The following TTL variants were observed in gnomAD, a reference collection of about 807,000 sequenced individuals.
TTL encodes tubulin tyrosine ligase, also known as tubulin--tyrosine ligase.
In TTL, 10 loss-of-function variants were observed where a neutral mutation model predicts 41.1. The ratio of observed to expected loss-of-function variants is 0.24; its 90% CI spans 0.15 to 0.41. The LOEUF (loss-of-function observed/expected upper bound fraction) is 0.41. Ranked by LOEUF, TTL falls within the 10% of genes least tolerant of loss-of-function variation. TTL has a pLI of 1.00. For missense variants in TTL, 367 were observed against 460.4 expected, an observed-to-expected ratio of 0.80 and a Z score of 1.86; for synonymous variants, 175 against 175.5, an observed-to-expected ratio of 1.00 and a Z score of 0.02.
Position 112,528,702 on chromosome 2 carries a change from C to G in TTL, c.1041C>G (p.Cys347Trp), listed in dbSNP as rs748710136. The G allele has an allele frequency of 6.2e-7, 1 of 1,614,024 alleles. No homozygotes were observed. The highest frequency in any genetic ancestry group is 8.5e-7 in the Non-Finnish European group (1 of 1,179,932). The stretch of plus-strand genomic sequence containing the variant: ...TCAGGAAGCTCTATGCAGAACTGTG[C>G]CAAGGCATCGTGGACATAGCCATTT... ...ACAQKLYAELCQGIVDIAISS... is the reference protein window; with the variant it reads ...ACAQKLYAELWQGIVDIAISS... The change falls in exon 7 of 7, where the codon TGC (cysteine) becomes TGG (tryptophan). Residue 347 changes from cysteine (C) to tryptophan (W), a missense_variant. Transcript: ENST00000233336.
Position 112,539,599 on chromosome 2 carries a change from T to G in TTL, c.*10804T>G, listed in dbSNP as rs947559362. ...TGATGTGAAAGCTCCAGTTGGGAGC[T>G]TTCTTCCCAATATCAGGCACAAAAC... On this transcript the variant is annotated 3_prime_UTR_variant, in exon 7 of 7. Coordinates refer to ENST00000233336, the MANE Select transcript of TTL (RefSeq NM_153712.5). The G allele has an allele frequency of 2.0e-5, 3 of 152,196 alleles. No homozygotes were observed. Among genetic ancestry groups the G allele is most frequent in the African/African-American group, 7.2e-5 (3 of 41,448 alleles). The allele number at this position is 152,196 out of a possible 1,614,324, so 9.4% of individuals were successfully genotyped here.
In TTL at chr2:112,525,475, G is replaced by A. The variant is rs922121698; in HGVS notation, c.1020-3206G>A. Reference sequence around the variant, plus strand: ...GTCCTCTTTTATTTCGTTGAGCAGCGGTTTGTAGTTCTCCTTGAAGAGGTC... The same window carrying A: ...GTCCTCTTTTATTTCGTTGAGCAGCAGTTTGTAGTTCTCCTTGAAGAGGTC... On this transcript the variant is annotated intron_variant, in intron 6 of 6. Coordinates refer to ENST00000233336, the MANE Select transcript of TTL (RefSeq NM_153712.5). Among the ~76,000 whole-genome samples the A allele has an allele frequency of 5.9e-5, 9 of 152,088 alleles. No individual in the cohort carries two copies. In the East Asian group the frequency reaches 1.3e-3, roughly 23 times the overall value.
chr2:112,528,657 G>T (rs1480435494), intron 6 of TTL, 24 bp from the exon 7 acceptor site: 1 of 1,582,064 alleles, frequency 6.3e-7, no homozygotes, highest in Non-Finnish European at 8.7e-7. Flanking sequence ...CATCCTCAAT[G>T]ATATTTTTAA....
intron 2 of TTL, among the ~76,000 whole-genome samples, chr2:112,488,448 TTAAAA>T (rs1385204924): frequency 6.6e-6 from 1 of 152,090 alleles, no homozygotes; most frequent in Non-Finnish European, 1.5e-5. Context: ...AGTAGCCACA[TTAAAA>T]TAAGTGCAGA....
At chr2:112,484,272 T>G (rs1421898132) in intron 1 of TTL, among the ~76,000 whole-genome samples, 1 of 150,902 alleles carries the variant, frequency 6.6e-6, no homozygotes, top group African/African-American at 2.4e-5. Flanking sequence ...TTTGTTTGTC[T>G]GTTTGTTTTG....
In TTL at chr2:112,531,150, T is replaced by G. The variant is rs1198587000; in HGVS notation, c.*2355T>G. The G allele has an allele frequency of 9.4e-6, 2 of 212,182 alleles. No homozygotes were observed. The highest frequency in any genetic ancestry group is 1.9e-5 in the Non-Finnish European group (2 of 104,758). 13.1% of individuals were successfully genotyped at this position (212,182 alleles called of 1,614,324 possible). On this transcript the variant is annotated 3_prime_UTR_variant, in exon 7 of 7. Transcript: ENST00000233336. ...GCACACCACCAAGCCTGGCTTTATGTATTTATTTCTGTTCATGCGGAATGA... is the reference window on the plus strand; with the variant it reads ...GCACACCACCAAGCCTGGCTTTATGGATTTATTTCTGTTCATGCGGAATGA...
rs868682685 is a variant in TTL, at chr2:112,531,216, A to T, written c.*2421A>T. 4.5e-6 allele frequency: 1 copy of T among 222,894 alleles called. No homozygotes were observed. The highest frequency in any genetic ancestry group is 5.8e-5 in the Admixed American group (1 of 17,388). The allele number at this position is 222,894 out of a possible 1,614,324, so 13.8% of individuals were successfully genotyped here. ...TCCTTTCCCTTCCATGATGTCCTTGACACAGAAGGTTATGCCTGGCTCCCA... is the reference window on the plus strand; with the variant it reads ...TCCTTTCCCTTCCATGATGTCCTTGTCACAGAAGGTTATGCCTGGCTCCCA... On this transcript the variant is annotated 3_prime_UTR_variant, in exon 7 of 7. Transcript: ENST00000233336.
chr2:112,501,397 G>C, intron 4 of TTL, 56 bp downstream of exon 4: 1 of 1,458,280 alleles, frequency 6.9e-7, no homozygotes, highest in Non-Finnish European at 9.4e-7. Flanking sequence ...AACTGCCATG[G>C]TATGTGGTGG....
Position 112,528,918 on chromosome 2 carries a change from G to C in TTL, c.*123G>C. 1 of 785,580 alleles carries C rather than the reference G, an allele frequency of 1.3e-6. No homozygotes were observed. Among genetic ancestry groups the C allele is most frequent in the Non-Finnish European group, 2.2e-6 (1 of 463,598 alleles). 48.7% of individuals were successfully genotyped at this position (785,580 alleles called of 1,614,324 possible). ...AAAGAAAGGCAACTCGCAAAGATGA[G>C]ATGGAAGAAGGCACGTGAGCAGAGG... On this transcript the variant is annotated 3_prime_UTR_variant, in exon 7 of 7. Transcript: ENST00000233336.
At chr2:112,488,131 G>A (rs1238904056) in intron 2 of TTL, among the ~76,000 whole-genome samples, 1 of 152,108 alleles carries the variant, frequency 6.6e-6, no homozygotes, top group Non-Finnish European at 1.5e-5. Flanking sequence ...AGGGAGTTTC[G>A]GAAATTTCAC....
intron 3 of TTL, among the ~76,000 whole-genome samples, chr2:112,495,131 A>G (rs903136025): frequency 5.9e-5 from 9 of 152,164 alleles, no homozygotes; most frequent in South Asian, 2.1e-4. Flanking sequence ...ACTGCCTAGT[A>G]TCTCTCGAAT....
At position 112,482,615 on chromosome 2, in the gene TTL, G is replaced by A; in HGVS notation, c.157+114G>A. 8.7e-7 allele frequency: 1 copy of A among 1,155,822 alleles called. No individual in the cohort carries two copies. The highest frequency in any genetic ancestry group is 1.8e-5 in the South Asian group (1 of 56,430). 71.6% of individuals were successfully genotyped at this position (1,155,822 alleles called of 1,614,324 possible). The stretch of plus-strand genomic sequence containing the variant: ...AAGGTCATACATTTTCTCCTCTGTC[G>A]CTTGTCGGGCACATCAGAAACGGAT... On this transcript the variant is annotated intron_variant, in intron 1 of 6. Coordinates refer to ENST00000233336, the MANE Select transcript of TTL (RefSeq NM_153712.5). This position sits in a 1 kb window ranked among gnomAD's most constrained non-coding sequence, Gnocchi z 5.3.
intron 2 of TTL, among the ~76,000 whole-genome samples, chr2:112,490,457 A>G (rs1278624869): frequency 6.6e-6 from 1 of 152,128 alleles, no homozygotes; most frequent in Non-Finnish European, 1.5e-5. Context: ...ACCTAACACA[A>G]ATGTTTTCAA....
Position 112,530,059 on chromosome 2 carries a change from A to G in TTL, c.*1264A>G. 1 of 230,500 alleles carries G rather than the reference A, an allele frequency of 4.3e-6. No homozygotes were observed. The highest frequency in any genetic ancestry group is 5.7e-5 in the Admixed American group (1 of 17,692). 14.3% of individuals were successfully genotyped at this position (230,500 alleles called of 1,614,324 possible). On this transcript the variant is annotated 3_prime_UTR_variant, in exon 7 of 7. Coordinates refer to ENST00000233336, the MANE Select transcript of TTL (RefSeq NM_153712.5). The stretch of plus-strand genomic sequence containing the variant: ...AGCTGAGTAAACAGGCCCTTCCTAG[A>G]GTGTCCTGGAAATCACAGCAACCCA...
At chr2:112,492,599 T>C (rs1357208215) in intron 2 of TTL, among the ~76,000 whole-genome samples, 1 of 151,994 alleles carries the variant, frequency 6.6e-6, no homozygotes, top group South Asian at 2.1e-4. Flanking sequence ...GGCGTGGTGG[T>C]GGGCACCTGT....
At chr2:112,503,805 C>CTTTTTTTTTTTTT (rs70963002) in intron 5 of TTL, among the ~76,000 whole-genome samples, 1 of 102,544 alleles carries the variant, frequency 9.8e-6, no homozygotes. Flanking sequence ...CCGTAAACTT[C>CTTTTTTTTTTTTT]TTTTTTTTTT....
intron 6 of TTL, chr2:112,522,571 T>C (rs1042373001): frequency 6.6e-6 from 1 of 152,410 alleles, no homozygotes; most frequent in Non-Finnish European, 1.5e-5. Flanking sequence ...TCTCTGTGTA[T>C]GTGATCTCAT....
At chr2:112,524,036 C>T (rs1250559108) in intron 6 of TTL, among the ~76,000 whole-genome samples, 1 of 152,132 alleles carries the variant, frequency 6.6e-6, no homozygotes, top group East Asian at 1.9e-4. Context: ...TGAGTGAGAA[C>T]ATGCAGTGTT....
chr2:112,500,652 A>C (rs1406989536), intron 3 of TTL, among the ~76,000 whole-genome samples: 1 of 152,412 alleles, frequency 6.6e-6, no homozygotes, highest in African/African-American at 2.4e-5. Context: ...AAAGCCATTG[A>C]ACTGTGCACT....
Sources: allele counts gnomAD v4.1 joint callset (sites outside exome capture counted in the v4.1 genomes callset), GRCh38; gene constraint gnomAD v4.1.1; non-coding constraint Gnocchi (gnomAD v3.1); transcripts MANE v1.5; gene names NCBI Gene and HGNC (gene_info 2026-07-23, HGNC 2026-07-21).